RSPH6A: variants seen among roughly 807,000 people sequenced by gnomAD.
The protein encoded by RSPH6A is radial spoke head 6 homolog A.
Under a neutral mutation model 66.1 loss-of-function variants are expected in RSPH6A, and 49 were observed. The ratio of observed to expected loss-of-function variants is 0.74; its 90% CI spans 0.59 to 0.94. The LOEUF is 0.94. RSPH6A is among the 40% of genes least tolerant of loss of function. The pLI is 0.00. For missense variants in RSPH6A, 977 were observed against 948.3 expected, an observed-to-expected ratio of 1.03 and a Z score of -0.40; for synonymous variants, 419 against 402.4, an observed-to-expected ratio of 1.04 and a Z score of -0.49.
At chr19:45,805,868 T>A (rs1425273541) in intron 2 of RSPH6A, among the ~76,000 whole-genome samples, 1 of 152,196 alleles carries the variant, frequency 6.6e-6, no homozygotes. Flanking sequence ...TGTCATTCCC[T>A]ATTCTTCCTG....
rs1970676112 is a variant in RSPH6A at position 45,814,565 on chromosome 19, G to C, written c.612C>G (p.Ala204=). Residue 204 remains alanine (A), a synonymous_variant, in exon 1 of 6, where the codon GCC becomes GCG. Transcript: ENST00000221538. The part of the protein sequence containing the change: ...PLELAVQNAK[A]YLLQTSINCD... Reference sequence around the variant, plus strand: ...AATTGATGCTGGTCTGCAGCAGGTAGGCCTTGGCGTTCTGCACGGCCAGCT... The same window carrying C: ...AATTGATGCTGGTCTGCAGCAGGTACGCCTTGGCGTTCTGCACGGCCAGCT... The C allele has an allele frequency of 1.3e-6, 2 of 1,533,080 alleles. No homozygotes were observed. Among genetic ancestry groups the C allele is most frequent in the African/African-American group, 2.8e-5 (2 of 72,462 alleles). 95.0% of individuals were successfully genotyped at this position (1,533,080 alleles called of 1,614,324 possible).
chr19:45,798,666 G>A (rs1290783656), intron 5 of RSPH6A, among the ~76,000 whole-genome samples: 2 of 151,392 alleles, frequency 1.3e-5, no homozygotes, highest in Non-Finnish European at 2.9e-5. Flanking sequence ...GTGAAACCCC[G>A]TCTTTACTAA....
chr19:45,815,091 C>A lies in RSPH6A; in HGVS notation c.86G>T (p.Ser29Ile), dbSNP rs765817224. 1 of 1,613,146 alleles carries A rather than the reference C, an allele frequency of 6.2e-7. No homozygotes were observed. The highest frequency in any genetic ancestry group is 8.5e-7 in the Non-Finnish European group (1 of 1,180,032). Residue 29 changes from serine to isoleucine, a missense_variant, in exon 1 of 6, where the codon AGT (serine) becomes ATT (isoleucine). Physicochemically the swap from Ser to Ile is moderately radical, Grantham distance 142. Coordinates refer to ENST00000221538, the MANE Select transcript of RSPH6A (RefSeq NM_030785.4). Reference protein sequence around the residue: ...RTSQASQRRHSRDQAQALAAD... With the variant: ...RTSQASQRRHIRDQAQALAAD... ...TGCCAGGGCCTGAGCTTGGTCCCGA[C>A]TGTGCCGCCTCTGGGAGGCCTGAGA... is the stretch of plus-strand genomic sequence containing the variant.
chr19:45,802,284 C>A lies in RSPH6A; in HGVS notation c.1654-20G>T. 7.4e-7 allele frequency: 1 copy of A among 1,351,546 alleles called. No individual in the cohort carries two copies. Among genetic ancestry groups the A allele is most frequent in the Non-Finnish European group, 9.6e-7 (1 of 1,036,860 alleles). The allele number at this position is 1,351,546 out of a possible 1,614,324, so 83.7% of individuals were successfully genotyped here. On this transcript the variant is annotated intron_variant, in intron 3 of 5. Transcript: ENST00000221538. ...GCGGCCCTGGGGGTGGGGGGAAGCTCAGGTGATGGCCCCAGTGCACGGAAC... is the reference window on the plus strand; with the variant it reads ...GCGGCCCTGGGGGTGGGGGGAAGCTAAGGTGATGGCCCCAGTGCACGGAAC...
chr19:45,806,031 A>C (rs1600476430), intron 2 of RSPH6A, among the ~76,000 whole-genome samples: 1 of 152,094 alleles, frequency 6.6e-6, no homozygotes, highest in Non-Finnish European at 1.5e-5. Context: ...TGCCTTACCC[A>C]CCCTGACCTT....
chr19:45,814,532 G>A lies in RSPH6A; in HGVS notation c.645C>T (p.Leu215=). The A allele has an allele frequency of 6.6e-7, 1 of 1,505,626 alleles. No homozygotes were observed. 93.3% of individuals were successfully genotyped at this position (1,505,626 alleles called of 1,614,324 possible). The stretch of plus-strand genomic sequence containing the variant: ...CACTCCTAGCCCCTGCTCACAGGCT[G>A]AGGTCGCAATTGATGCTGGTCTGCA... The part of the protein sequence containing the change: ...YLLQTSINCD[L]SLYEHLVNLL... Residue 215 remains leucine, a synonymous_variant, in exon 1 of 6, where the codon CTC becomes CTT. Transcript: ENST00000221538.
At chr19:45,807,366 C>A (rs1272832253) in intron 2 of RSPH6A, among the ~76,000 whole-genome samples, 2 of 151,760 alleles carry the variant, frequency 1.3e-5, no homozygotes, top group Non-Finnish European at 2.9e-5. Context: ...CAGGCGCCCA[C>A]CACCATGCCC....
rs1244613321 is a variant in RSPH6A at position 45,800,491 on chromosome 19, A to C, written c.1871T>G (p.Val624Gly). The C allele has an allele frequency of 6.2e-7, 1 of 1,613,484 alleles. No homozygotes were observed. The highest frequency in any genetic ancestry group is 1.3e-5 in the African/African-American group (1 of 74,928). The change falls in exon 5 of 6, where the codon GTG becomes GGG. Residue 624 changes from valine (V) to glycine (G), a missense_variant. Val to Gly is a moderately radical substitution (Grantham distance 109). Transcript: ENST00000221538. ...SLCPQYSVAV[V>G]RSNLWPGAYA... is the part of the protein sequence containing the mutation. ...GGCCCCGGGCCAGAGGTTGGAGCGC[A>C]CAACGGCCACTGAGTACTGCGGGCA...
intron 2 of RSPH6A, among the ~76,000 whole-genome samples, chr19:45,809,358 G>GT (rs1291581008): frequency 1.4e-5 from 2 of 140,354 alleles, no homozygotes; most frequent in Non-Finnish European, 3.0e-5. Flanking sequence ...AGGCTGGAGT[G>GT]TAGTGGTGCG....
chr19:45,797,503 CACTT>C (rs1255406272), intron 5 of RSPH6A, among the ~76,000 whole-genome samples: 5 of 151,790 alleles, frequency 3.3e-5, no homozygotes, highest in African/African-American at 9.7e-5. Context: ...TATATTGTGA[CACTT>C]TATTTATGTC....
In RSPH6A at chr19:45,800,169, C is replaced by G. The variant is rs527661583; in HGVS notation, c.1916+277G>C. On this transcript the variant is annotated intron_variant, in intron 5 of 5. Transcript: ENST00000221538. ...CATCAGGGGGCTGGAGATCCAGGTT[C>G]GTATCCTGCAAGTGCTGTGTGACCA... Among the ~76,000 whole-genome samples, 3 of 152,338 alleles carry G rather than the reference C, an allele frequency of 2.0e-5. No individual in the cohort carries two copies. In the East Asian group the frequency reaches 5.8e-4, roughly 29 times the overall value.
rs540864300 is a variant in RSPH6A, at chr19:45,798,671, T to C, written c.1916+1775A>G. On this transcript the variant is annotated intron_variant, in intron 5 of 5. Coordinates refer to ENST00000221538, the MANE Select transcript of RSPH6A (RefSeq NM_030785.4). ...GGCTAACACGGTGAAACCCCGTCTT[T>C]ACTAAAAATACAAAAAAATTAGCTG... Among the ~76,000 whole-genome samples, 194 of 151,282 alleles carry C rather than the reference T, an allele frequency of 1.3e-3. 1 individual carries two copies. The highest frequency in any genetic ancestry group is 2.4e-3 in the Non-Finnish European group (164 of 67,804).
chr19:45,799,368 T>C (rs1202899475), intron 5 of RSPH6A, among the ~76,000 whole-genome samples: 1 of 152,030 alleles, frequency 6.6e-6, no homozygotes, highest in Non-Finnish European at 1.5e-5. Context: ...TTGCCATTCT[T>C]GTTTGTTTTT....
intron 3 of RSPH6A, 136 bp from the exon 4 acceptor site, chr19:45,802,400 C>T (rs1970484936): frequency 1.5e-5 from 10 of 668,554 alleles, no homozygotes; most frequent in African/African-American, 7.5e-5. Context: ...AAGATTTAGC[C>T]GCACAGCTAA....
Position 45,815,099 on chromosome 19 carries a change from C to T in RSPH6A, c.78G>A (p.Arg26=). The change falls in exon 1 of 6, where the codon AGG becomes AGA. Residue 26 remains arginine, a synonymous_variant. Coordinates refer to ENST00000221538, the MANE Select transcript of RSPH6A (RefSeq NM_030785.4). The stretch of plus-strand genomic sequence containing the variant: ...CCTGAGCTTGGTCCCGACTGTGCCG[C>T]CTCTGGGAGGCCTGAGAAGTCCTCC... ...PGRRTSQASQ[R]RHSRDQAQAL... is the part of the protein sequence containing the mutation. 1 of 1,613,122 alleles carries T rather than the reference C, an allele frequency of 6.2e-7. No individual in the cohort carries two copies. Among genetic ancestry groups the T allele is most frequent in the Non-Finnish European group, 8.5e-7 (1 of 1,180,028 alleles).
Position 45,804,694 on chromosome 19 carries a change from G to A in RSPH6A, c.1211C>T (p.Pro404Leu). 1 of 1,613,952 alleles carries A rather than the reference G, an allele frequency of 6.2e-7. No homozygotes were observed. The highest frequency in any genetic ancestry group is 8.5e-7 in the Non-Finnish European group (1 of 1,180,000). ...EDEEKAVDIVPKSVWKPPPVI... is the reference protein window; with the variant it reads ...EDEEKAVDIVLKSVWKPPPVI... The stretch of plus-strand genomic sequence containing the variant: ...GGGCGGCGGCTTCCATACGGACTTA[G>A]GGACGATGTCCACGGCCTTCTCCTC... Residue 404 changes from proline (P) to leucine (L), a missense_variant, in exon 3 of 6, where the codon CCT becomes CTT. Physicochemically the swap from Pro to Leu is moderately conservative, Grantham distance 98 (BLOSUM62 -3). Transcript: ENST00000221538. This position sits in a 1 kb window ranked among gnomAD's most constrained non-coding sequence, Gnocchi z 5.8.
chr19:45,806,405 A>G (rs12462000), intron 2 of RSPH6A, among the ~76,000 whole-genome samples: 132,888 of 152,078 alleles, frequency 0.87, 58,288 homozygotes, highest in African/African-American at 0.95. Context: ...GGGCGCAGTG[A>G]TTCACGCCTG....
At chr19:45,811,279 A>T (rs1284600926) in intron 1 of RSPH6A, among the ~76,000 whole-genome samples, 1 of 152,106 alleles carries the variant, frequency 6.6e-6, no homozygotes, top group Non-Finnish European at 1.5e-5. Flanking sequence ...GGCGTGAGCC[A>T]CCGCGCCTTG....
At chr19:45,811,267 C>A (rs929069028) in intron 1 of RSPH6A, among the ~76,000 whole-genome samples, 2 of 152,078 alleles carry the variant, frequency 1.3e-5, no homozygotes, top group Admixed American at 1.3e-4. Flanking sequence ...GCTGGGATTA[C>A]AGGCGTGAGC....
Sources: allele counts gnomAD v4.1 joint callset (sites outside exome capture counted in the v4.1 genomes callset), GRCh38; gene constraint gnomAD v4.1.1; non-coding constraint Gnocchi (gnomAD v3.1); transcripts MANE v1.5; gene names NCBI Gene and HGNC (gene_info 2026-07-23, HGNC 2026-07-21).